The following DOCK7 variants were observed in gnomAD, a reference collection of about 807,000 sequenced individuals.
DOCK7 encodes dedicator of cytokinesis 7.
Under a neutral mutation model 271.0 loss-of-function variants are expected in DOCK7, and 138 were observed. The observed-to-expected ratio is 0.51, with a 90% CI of 0.44 to 0.59. DOCK7 has a LOEUF of 0.59. DOCK7 is among the 20% of genes least tolerant of loss of function. The probability of loss-of-function intolerance (pLI) is 0.00; values close to 1 mark genes in which losing one functional copy is unlikely to be tolerated. For synonymous variants in DOCK7, 823 were observed against 876.1 expected, an observed-to-expected ratio of 0.94 and a Z score of 1.07; for missense variants, 2,066 against 2,592.4, an observed-to-expected ratio of 0.80 and a Z score of 4.41.
At chr1:62,632,744 A>C (rs1571843809) in intron 10 of DOCK7, among the ~76,000 whole-genome samples, 2 of 152,266 alleles carry the variant, frequency 1.3e-5, no homozygotes, top group Admixed American at 1.3e-4. Context: ...TGGGAGGCTG[A>C]GGGAGGTGGA....
chr1:62,567,074 CA>C (rs1223736611), intron 18 of DOCK7, among the ~76,000 whole-genome samples: 1 of 152,128 alleles, frequency 6.6e-6, no homozygotes, highest in Non-Finnish European at 1.5e-5. Flanking sequence ...TGTGGAGAAA[CA>C]GGAACACTTT....
intron 48 of DOCK7, chr1:62,459,163 A>C (rs1331607882): frequency 6.6e-6 from 1 of 152,190 alleles, no homozygotes. Context: ...AAAGAGGTCA[A>C]ATATCCCCTA....
intron 40 of DOCK7, among the ~76,000 whole-genome samples, chr1:62,493,192 G>A (rs749972992): frequency 6.6e-6 from 1 of 151,868 alleles, no homozygotes; most frequent in Non-Finnish European, 1.5e-5. Context: ...TCTCTGTAAA[G>A]GAAAAAGGGT....
At chr1:62,631,463 C>T (rs1654618234) in intron 10 of DOCK7, 58 bp from the exon 11 acceptor site, 1 of 1,371,666 alleles carries the variant, frequency 7.3e-7, no homozygotes, top group South Asian at 1.5e-5. Flanking sequence ...CAGTTAAAGG[C>T]TATTTCATAC....
intron 20 of DOCK7, among the ~76,000 whole-genome samples, chr1:62,556,584 C>T (rs1400539524): frequency 1.3e-5 from 2 of 151,076 alleles, no homozygotes; most frequent in Non-Finnish European, 2.9e-5. Context: ...TTTTAAATCC[C>T]AGGCTAAGCA....
At chr1:62,609,864 C>T (rs1286315347) in intron 14 of DOCK7, among the ~76,000 whole-genome samples, 1 of 151,826 alleles carries the variant, frequency 6.6e-6, no homozygotes, top group African/African-American at 2.4e-5. Flanking sequence ...GATGGAGTCT[C>T]GCTCTGTCAC....
intron 14 of DOCK7, among the ~76,000 whole-genome samples, chr1:62,599,922 G>A (rs1332814434): frequency 1.3e-5 from 2 of 151,824 alleles, no homozygotes; most frequent in African/African-American, 2.4e-5. Context: ...CTCTCAAACA[G>A]CTATTCAAGA....
intron 41 of DOCK7, among the ~76,000 whole-genome samples, chr1:62,490,256 A>C (rs879622363): frequency 4.7e-4 from 71 of 151,490 alleles, no homozygotes; most frequent in Non-Finnish European, 1.9e-4. Context: ...TTTTTTGTAG[A>C]GATGACGCTC....
chr1:62,626,929 AT>A (rs1471412755), intron 11 of DOCK7, among the ~76,000 whole-genome samples: 1 of 152,162 alleles, frequency 6.6e-6, no homozygotes, highest in Non-Finnish European at 1.5e-5. Context: ...AGACAGAGTC[AT>A]CAAAAGAAAG....
At chr1:62,481,107 T>C (rs746929796) in intron 43 of DOCK7, among the ~76,000 whole-genome samples, 6 of 151,780 alleles carry the variant, frequency 4.0e-5, no homozygotes, top group East Asian at 1.9e-4. Context: ...GGAAGACTTA[T>C]TCATGTGAAT....
intron 1 of DOCK7, among the ~76,000 whole-genome samples, chr1:62,674,130 C>T (rs571195540): frequency 6.6e-6 from 1 of 151,998 alleles, no homozygotes; most frequent in East Asian, 1.9e-4. Flanking sequence ...GTATAATATC[C>T]AAAAATCAAC....
At chr1:62,616,477 CTACCAA>C (rs1652453808) in intron 14 of DOCK7, among the ~76,000 whole-genome samples, 1 of 151,700 alleles carries the variant, frequency 6.6e-6, no homozygotes, top group Non-Finnish European at 1.5e-5. Flanking sequence ...AAACAATTCT[CTACCAA>C]TGAGAAATTT....
At chr1:62,619,093 C>T (rs902031539) in intron 13 of DOCK7, among the ~76,000 whole-genome samples, 18 of 151,126 alleles carry the variant, frequency 1.2e-4, no homozygotes, top group African/African-American at 3.7e-4. Context: ...ATAATAAATG[C>T]TTATTAAATA....
chr1:62,498,104 T>C (rs1291590037), intron 37 of DOCK7, among the ~76,000 whole-genome samples: 1 of 151,708 alleles, frequency 6.6e-6, no homozygotes, highest in African/African-American at 2.4e-5. Context: ...ATTAGCTAGA[T>C]GTAGTGGTAC....
intron 22 of DOCK7, among the ~76,000 whole-genome samples, chr1:62,551,762 GCTTT>G (rs1444648228): frequency 6.6e-6 from 1 of 151,344 alleles, no homozygotes; most frequent in Non-Finnish European, 1.5e-5. Flanking sequence ...TCTTGCAATG[GCTTT>G]CTAAGAAACT....
chr1:62,478,565 C>T (rs1646030539), intron 43 of DOCK7: 1 of 152,240 alleles, frequency 6.6e-6, no homozygotes, highest in Non-Finnish European at 1.5e-5. Flanking sequence ...AGGCATATGC[C>T]ACCACACCTG....
intron 36 of DOCK7, 39 bp downstream of exon 36, chr1:62,505,643 A>G: frequency 6.4e-7 from 1 of 1,574,544 alleles, no homozygotes; most frequent in Non-Finnish European, 8.6e-7. Flanking sequence ...TAATAAAAAA[A>G]ACAAAGTCTG....
chr1:62,686,112 T>G (rs1661692694), intron 1 of DOCK7, among the ~76,000 whole-genome samples: 1 of 152,080 alleles, frequency 6.6e-6, no homozygotes, highest in African/African-American at 2.4e-5. Flanking sequence ...AAACTTCTGG[T>G]TCTAATAAGA....
intron 7 of DOCK7, among the ~76,000 whole-genome samples, chr1:62,642,391 A>G (rs1387950454): frequency 6.6e-6 from 1 of 151,872 alleles, no homozygotes; most frequent in Non-Finnish European, 1.5e-5. Context: ...GGCGTGAGCC[A>G]CCGTGCCTGG....
Sources: gnomAD v4.1 joint callset for allele counts (sites outside exome capture counted in the v4.1 genomes callset) on GRCh38, gnomAD v4.1.1 for gene constraint, MANE v1.5 for transcripts, NCBI Gene and HGNC (gene_info 2026-07-23, HGNC 2026-07-21) for gene names.